Variants in ASTN1 observed in about 807,000 individuals in gnomAD.
ASTN1 encodes the protein astrotactin-1.
In ASTN1, 41 loss-of-function variants were observed where a neutral mutation model predicts 140.7. The observed-to-expected ratio is 0.29, with a 90% CI of 0.23 to 0.38. The LOEUF is 0.38. Among genes scored for constraint, ASTN1 ranks in the 10% least tolerant of loss-of-function variants. ASTN1 has a pLI of 1.00. For synonymous variants in ASTN1, 640 were observed against 652.2 expected (o/e 0.98, Z 0.29); for missense variants, 1,479 against 1,678.8 (o/e 0.88, Z 2.08).
intron 1 of ASTN1, among the ~76,000 whole-genome samples, chr1:177,148,903 A>G (rs1317631557): frequency 4.0e-5 from 6 of 151,462 alleles, no homozygotes; most frequent in Non-Finnish European, 7.4e-5. Context: ...AGGGTACACA[A>G]GTAAGTAGAA....
intron 22 of ASTN1, among the ~76,000 whole-genome samples, chr1:176,865,074 G>A (rs1272451720): frequency 6.6e-6 from 1 of 152,170 alleles, no homozygotes; most frequent in African/African-American, 2.4e-5. Flanking sequence ...TAGCCTTTGG[G>A]AATATGCAGA....
intron 1 of ASTN1, 120 bp downstream of exon 1, chr1:177,164,274 C>T (rs1385254047): frequency 9.4e-7 from 1 of 1,066,628 alleles, no homozygotes; most frequent in Non-Finnish European, 1.3e-6. Flanking sequence ...GGGGCGGATC[C>T]GGGAGGTAGG....
At chr1:177,108,471 G>T (rs1275074898) in intron 1 of ASTN1, among the ~76,000 whole-genome samples, 1 of 151,990 alleles carries the variant, frequency 6.6e-6, no homozygotes, top group Admixed American at 6.6e-5. Context: ...CTTTGTGACT[G>T]GTTTTTTCCA....
At position 176,958,351 on chromosome 1, in the gene ASTN1, T is replaced by A; in HGVS notation, c.1730A>T (p.Glu577Val). The A allele has an allele frequency of 6.2e-7, 1 of 1,613,970 alleles. No homozygotes were observed. ...TDMTVMEDAVEVREELMTSSS... is the reference protein window; with the variant it reads ...TDMTVMEDAVVVREELMTSSS... ...GTCCTGAAGCCAGACTCACCTGACC[T>A]CCACAGCATCCTCCATCACAGTCAT... Residue 577 changes from glutamate (E) to valine (V), a missense_variant, in exon 10 of 23, where the codon GAG becomes GTG. By Grantham distance (121) the Glu-to-Val change is moderately radical. Around this residue, in one of 3 missense-constraint regions of ASTN1, gnomAD observed 729 missense variants for 860.4 expected, o/e 0.85. Coordinates refer to ENST00000361833, the MANE Select transcript of ASTN1 (RefSeq NM_004319.3).
In ASTN1 at chr1:176,868,852, T is replaced by C; in HGVS notation, c.3639A>G (p.Leu1213=). 6.2e-7 allele frequency: 1 copy of C among 1,603,904 alleles called. No individual in the cohort carries two copies. Among genetic ancestry groups the C allele is most frequent in the Non-Finnish European group, 8.5e-7 (1 of 1,174,048 alleles). ...CTTAGTTTATTGATTACCTGGGACC[T>C]AACTCATCCTCACATCGCCAGGTGA... ...GEFTWRCEDE[L]GPRKAGLILS... is the part of the protein sequence containing the mutation. Residue 1213 remains leucine (L), a synonymous_variant, in exon 22 of 23, where the codon TTA becomes TTG. Transcript: ENST00000361833.
chr1:176,885,222 T>G (rs1367416565), intron 18 of ASTN1, among the ~76,000 whole-genome samples: 3 of 152,382 alleles, frequency 2.0e-5, no homozygotes, highest in Middle Eastern at 3.4e-3. Flanking sequence ...TCCTGGTTCC[T>G]GATTCCAGCC....
intron 8 of ASTN1, among the ~76,000 whole-genome samples, chr1:177,002,422 C>T (rs1674777052): frequency 6.7e-6 from 1 of 148,204 alleles, no homozygotes; most frequent in Non-Finnish European, 1.5e-5. Flanking sequence ...CACACATGAA[C>T]AAATCAAGAG....
chr1:177,099,649 T>G (rs978391297), intron 1 of ASTN1, among the ~76,000 whole-genome samples: 31 of 152,304 alleles, frequency 2.0e-4, no homozygotes, highest in African/African-American at 6.7e-4. Context: ...TATAGTTGCC[T>G]AGCAGATATT....
Position 176,861,667 on chromosome 1 carries a change from G to A in ASTN1, c.*2617C>T, listed in dbSNP as rs1054695603. The A allele has an allele frequency of 1.0e-6, 1 of 985,424 alleles. No individual in the cohort carries two copies. Among genetic ancestry groups the A allele is most frequent in the Non-Finnish European group, 1.2e-6 (1 of 829,962 alleles). The allele number at this position is 985,424 out of a possible 1,614,324, so 61.0% of individuals were successfully genotyped here. On this transcript the variant is annotated 3_prime_UTR_variant, in exon 23 of 23. Transcript: ENST00000361833. Reference sequence around the variant, plus strand: ...AGTAGGAGCCAGTCATAGGAGTTGTGTGCATTGTGTGTGCACACGTGTGTG... The same window carrying A: ...AGTAGGAGCCAGTCATAGGAGTTGTATGCATTGTGTGTGCACACGTGTGTG...
chr1:176,860,522 C>G (rs1367304135), downstream of ASTN1, among the ~76,000 whole-genome samples: 1 of 152,198 alleles, frequency 6.6e-6, no homozygotes, highest in East Asian at 1.9e-4. Flanking sequence ...TTGGGCTACC[C>G]ACCATGAAGC....
At chr1:176,986,270 T>G (rs1437335982) in intron 8 of ASTN1, among the ~76,000 whole-genome samples, 1 of 151,930 alleles carries the variant, frequency 6.6e-6, no homozygotes, top group Non-Finnish European at 1.5e-5. Context: ...ACTCCAGAGG[T>G]GGGAATAAGA....
At chr1:176,945,519 CA>C (rs1016861520) in intron 13 of ASTN1, among the ~76,000 whole-genome samples, 22 of 152,274 alleles carry the variant, frequency 1.4e-4, no homozygotes, top group Admixed American at 1.4e-3. Flanking sequence ...TTGGAAAAGG[CA>C]GGACCTTGGA....
intron 1 of ASTN1, among the ~76,000 whole-genome samples, chr1:177,086,477 G>A (rs1444704640): frequency 3.3e-5 from 5 of 151,946 alleles, no homozygotes; most frequent in Admixed American, 2.6e-4. Context: ...TTCCTCTTTG[G>A]GTTAAACTAG....
intron 4 of ASTN1, among the ~76,000 whole-genome samples, chr1:177,030,166 A>G (rs1168463541): frequency 6.6e-6 from 1 of 152,258 alleles, no homozygotes; most frequent in Non-Finnish European, 1.5e-5. Flanking sequence ...AAAAGACAGA[A>G]TAGAATAAAG....
At chr1:176,899,253 G>C (rs1207744933) in intron 16 of ASTN1, among the ~76,000 whole-genome samples, 1 of 152,208 alleles carries the variant, frequency 6.6e-6, no homozygotes, top group East Asian at 1.9e-4. Context: ...CGTCCTTAAA[G>C]CTCAACATGT....
At chr1:177,148,801 C>T (rs1329576277) in intron 1 of ASTN1, among the ~76,000 whole-genome samples, 1 of 151,698 alleles carries the variant, frequency 6.6e-6, no homozygotes, top group Non-Finnish European at 1.5e-5. Context: ...TTGGATTTAA[C>T]ATTAGAGGAT....
Position 176,970,111 on chromosome 1 carries a change from C to T in ASTN1, c.1524-4874G>A, listed in dbSNP as rs114704587. ...CAGTCTATTCAGAGTCTTCTCTAAG[C>T]ACTGGCAATTTTCAAGCTTTTGGTT... On this transcript the variant is annotated intron_variant, in intron 8 of 22. Transcript: ENST00000361833. 4.2e-3 allele frequency among the ~76,000 whole-genome samples: 640 copies of T among 152,334 alleles called. 4 individuals carry two copies. Among genetic ancestry groups the T allele is most frequent in the Non-Finnish European group, 6.7e-3 (454 of 68,032 alleles).
intron 8 of ASTN1, among the ~76,000 whole-genome samples, chr1:177,008,733 GA>G (rs900545661): frequency 2.0e-5 from 3 of 152,238 alleles, no homozygotes; most frequent in African/African-American, 4.8e-5. Context: ...GAGAGAAAGA[GA>G]GAGAGAGGAA....
chr1:176,881,635 T>C (rs559009417), intron 20 of ASTN1, among the ~76,000 whole-genome samples: 18 of 152,284 alleles, frequency 1.2e-4, no homozygotes, highest in South Asian at 2.1e-4. Context: ...ACGAGAATCA[T>C]GGCATTGGTG....
Sources: allele counts gnomAD v4.1 joint callset (sites outside exome capture counted in the v4.1 genomes callset), GRCh38; gene constraint gnomAD v4.1.1; regional missense constraint gnomAD v4.1.1; transcripts MANE v1.5; gene names NCBI Gene and HGNC (gene_info 2026-07-23, HGNC 2026-07-21).